Variants in NIPSNAP3B observed in about 807,000 individuals in gnomAD.
NIPSNAP3B encodes the protein protein NipSnap homolog 3B.
In NIPSNAP3B, 30 loss-of-function variants were observed where a neutral mutation model predicts 31.5. That is an observed-to-expected ratio of 0.95 (90% confidence interval 0.71 to 1.29). The LOEUF is 1.29. NIPSNAP3B is among the 50% of genes most tolerant of loss of function. The pLI, the probability that NIPSNAP3B is intolerant of heterozygous loss-of-function variation, is 0.00. For synonymous variants in NIPSNAP3B, 106 were observed against 107.9 expected, an observed-to-expected ratio of 0.98 and a Z score of 0.11; for missense variants, 269 against 300.7, an observed-to-expected ratio of 0.89 and a Z score of 0.78.
Position 104,770,849 on chromosome 9 carries a change from G to A in NIPSNAP3B, c.431G>A (p.Gly144Glu). 1 of 1,612,966 alleles carries A rather than the reference G, an allele frequency of 6.2e-7. No homozygotes were observed. Among genetic ancestry groups the A allele is most frequent in the Non-Finnish European group, 8.5e-7 (1 of 1,179,280 alleles). Residue 144 changes from glycine to glutamate, a missense_variant and splice_region_variant, in exon 4 of 6, where the codon GGA becomes GAA. Gly to Glu is a moderately conservative substitution (Grantham distance 98, BLOSUM62 -2). Coordinates refer to ENST00000374762, the MANE Select transcript of NIPSNAP3B (RefSeq NM_018376.4). ...ATAATTATTTTTCTCCCTATTCTAG[G>A]AGTCTATGAACTAGCTGTTTTTCAG... The part of the protein sequence containing the change: ...WSKLEKPPKE[G>E]VYELAVFQMK...
the NIPSNAP3B span, chr9:104,784,602 G>A: frequency 1.2e-5 from 12 of 986,752 alleles, no homozygotes; most frequent in Admixed American, 2.4e-5. Flanking sequence ...TGTGTGTGAA[G>A]GAGGGAAGAA....
In NIPSNAP3B at chr9:104,776,578, G is replaced by T. The variant is rs1828342156; in HGVS notation, c.*3505G>T. 6.6e-6 allele frequency among the ~76,000 whole-genome samples: 1 copy of T among 152,026 alleles called. No individual in the cohort carries two copies. Among genetic ancestry groups the T allele is most frequent in the South Asian group, 2.1e-4 (1 of 4,818 alleles). ...CAGAACTTCTTCATGCTGGCACCCT[G>T]GTCTTAGACTTCCCAGCCACTAGAT... On this transcript the variant is annotated 3_prime_UTR_variant, in exon 6 of 6. Transcript: ENST00000374762.
intron 2 of NIPSNAP3B, 34 bp downstream of exon 2, chr9:104,766,569 G>A (rs374758081): frequency 6.3e-7 from 1 of 1,574,844 alleles, no homozygotes; most frequent in Non-Finnish European, 8.7e-7. Flanking sequence ...ATTCAGTATA[G>A]ATTTTCATTC....
the NIPSNAP3B span, chr9:104,783,358 G>A: frequency 6.6e-6 from 1 of 152,156 alleles, no homozygotes; most frequent in Non-Finnish European, 1.5e-5. Context: ...TAATACACTT[G>A]TGTCAGATAA....
the NIPSNAP3B span, chr9:104,784,133 C>A: frequency 1.4e-6 from 1 of 710,932 alleles, no homozygotes; most frequent in Non-Finnish European, 2.3e-6. Context: ...AAAGGCACTG[C>A]CCCTGTAATG....
the NIPSNAP3B span, chr9:104,784,498 T>A: frequency 1.2e-6 from 2 of 1,612,128 alleles, no homozygotes; most frequent in South Asian, 2.2e-5. Context: ...ACCACTCAAC[T>A]TGCTCATTCT....
chr9:104,788,078 A>T, the NIPSNAP3B span: 1 of 1,613,344 alleles, frequency 6.2e-7, no homozygotes. Context: ...AAGCACCTTG[A>T]CTTTGGTCTG....
At chr9:104,786,147 A>G in the NIPSNAP3B span, 23 of 688,418 alleles carry the variant, frequency 3.3e-5, no homozygotes, top group Admixed American at 1.9e-4. Flanking sequence ...ATTTGAATGC[A>G]GTTCGGACTT....
chr9:104,766,451 C>A lies in NIPSNAP3B; in HGVS notation c.187C>A (p.Arg63=), dbSNP rs557871008. Residue 63 remains arginine, a synonymous_variant, in exon 2 of 6, where the codon CGG becomes AGG. Coordinates refer to ENST00000374762, the MANE Select transcript of NIPSNAP3B (RefSeq NM_018376.4). Reference sequence around the variant, plus strand: ...AAATCTTAAGAAAAACATTCATCTTCGGACCTCTTACTCTGAATTGGTTGG... The same window carrying A: ...AAATCTTAAGAAAAACATTCATCTTAGGACCTCTTACTCTGAATTGGTTGG... ...MENLKKNIHL[R]TSYSELVGFW... is the part of the protein sequence containing the mutation. 3.7e-6 allele frequency: 6 copies of A among 1,613,740 alleles called. No individual in the cohort carries two copies. Among genetic ancestry groups the A allele is most frequent in the Non-Finnish European group, 4.2e-6 (5 of 1,179,742 alleles).
chr9:104,769,037 T>A lies in NIPSNAP3B; in HGVS notation c.430+16T>A, dbSNP rs369134124. 3.1e-6 allele frequency: 5 copies of A among 1,600,422 alleles called. No individual in the cohort carries two copies. In the African/African-American group the frequency reaches 6.8e-5, roughly 22 times the overall value. On this transcript the variant is annotated intron_variant, in intron 3 of 5. Coordinates refer to ENST00000374762, the MANE Select transcript of NIPSNAP3B (RefSeq NM_018376.4). Reference sequence around the variant, plus strand: ...CCAAAAGAAGGTGAGTTCTTCCCTCTTAGACTATGAGTTTTAATGAGTAAA... The same window carrying A: ...CCAAAAGAAGGTGAGTTCTTCCCTCATAGACTATGAGTTTTAATGAGTAAA...
the NIPSNAP3B span, chr9:104,786,754 G>T: frequency 1.1e-6 from 1 of 947,882 alleles, no homozygotes; most frequent in Non-Finnish European, 1.7e-6. Flanking sequence ...TATAATTTCA[G>T]GTAATAATTG....
chr9:104,767,540 A>G (rs1828113251), intron 2 of NIPSNAP3B, among the ~76,000 whole-genome samples: 1 of 152,178 alleles, frequency 6.6e-6, no homozygotes, highest in Admixed American at 6.5e-5. Flanking sequence ...TGTTCATTCT[A>G]TGCTTGACGT....
the NIPSNAP3B span, chr9:104,784,484 A>T: frequency 6.2e-7 from 1 of 1,613,656 alleles, no homozygotes; most frequent in African/African-American, 1.3e-5. Context: ...GGACCTTTAT[A>T]AATACCACTC....
In NIPSNAP3B at chr9:104,773,448, A is replaced by G. The variant is rs539579088; in HGVS notation, c.*375A>G. On this transcript the variant is annotated 3_prime_UTR_variant, in exon 6 of 6. Transcript: ENST00000374762. ...CTGACAGTATTTTTGAATTATTTAT[A>G]TAAAATATCTATCTTTTCATCATGT... 1 of 160,824 alleles carries G rather than the reference A, an allele frequency of 6.2e-6. No homozygotes were observed. Among genetic ancestry groups the G allele is most frequent in the African/African-American group, 2.4e-5 (1 of 41,760 alleles). 10.0% of individuals were successfully genotyped at this position (160,824 alleles called of 1,614,324 possible). A position where few individuals can be genotyped will look rare whatever the true frequency, so the allele number is the denominator to read the frequency against.
the NIPSNAP3B span, among the ~76,000 whole-genome samples, chr9:104,790,590 T>A: frequency 6.0e-4 from 92 of 152,316 alleles, no homozygotes; most frequent in African/African-American, 2.0e-3. Context: ...GGAAAAGTTC[T>A]AAAACTGGAT....
At chr9:104,781,109 T>A (rs1828522553), downstream of NIPSNAP3B, 1 of 152,310 alleles carries the variant, frequency 6.6e-6, no homozygotes, top group Non-Finnish European at 1.5e-5. Flanking sequence ...CATACAAAAT[T>A]TTTTTTCTTT....
Position 104,764,232 on chromosome 9 carries a change from A to C in NIPSNAP3B, c.-9A>C, listed in dbSNP as rs527851145. 64 of 1,600,806 alleles carry C rather than the reference A, an allele frequency of 4.0e-5. No homozygotes were observed. On this transcript the variant is annotated 5_prime_UTR_variant, in exon 1 of 6. Transcript: ENST00000374762. ...GGCTGGCTGCTTTTCTCAGTGCCGA[A>C]GCCGCGCCATGCTCGTTCTCAGAAG...
downstream of NIPSNAP3B, chr9:104,781,579 T>C (rs1828547732): frequency 6.6e-6 from 1 of 152,632 alleles, no homozygotes; most frequent in South Asian, 2.1e-4. Context: ...ATGTGCAACA[T>C]TTAATAGTCA....
At chr9:104,784,130 C>G in the NIPSNAP3B span, 1 of 694,224 alleles carries the variant, frequency 1.4e-6, no homozygotes, top group East Asian at 2.7e-5. Flanking sequence ...TACAAAGGCA[C>G]TGCCCCTGTA....
Sources: gnomAD v4.1 joint callset for allele counts (sites outside exome capture counted in the v4.1 genomes callset) on GRCh38, gnomAD v4.1.1 for gene constraint, MANE v1.5 for transcripts, NCBI Gene and HGNC (gene_info 2026-07-23, HGNC 2026-07-21) for gene names.